DNAH12: variants seen among roughly 807,000 people sequenced by gnomAD.
DNAH12 encodes the protein axonemal beta dynein heavy chain 12.
In DNAH12, 285 loss-of-function variants were observed where a neutral mutation model predicts 371.5. The ratio of observed to expected loss-of-function variants is 0.77; its 90% confidence interval spans 0.70 to 0.85. The LOEUF is 0.85. DNAH12 is among the 40% of genes least tolerant of loss of function. DNAH12 has a pLI of 0.00. For synonymous variants in DNAH12, 1,200 were observed against 1,213.0 expected (o/e 0.99, Z 0.22); for missense variants, 3,611 against 3,689.4 (o/e 0.98, Z 0.55).
chr3:57,315,039 G>A (rs1345121158), intron 65 of DNAH12, among the ~76,000 whole-genome samples: 1 of 152,090 alleles, frequency 6.6e-6, no homozygotes, highest in Non-Finnish European at 1.5e-5. Flanking sequence ...ATCCCAATAT[G>A]TCATTCATGA....
chr3:57,513,424 A>G (rs370671121), intron 4 of DNAH12, among the ~76,000 whole-genome samples: 1 of 152,164 alleles, frequency 6.6e-6, no homozygotes, highest in African/African-American at 2.4e-5. Flanking sequence ...GCAGCAAACC[A>G]CCATGGCACA....
rs1281944509 is a variant in DNAH12, at chr3:57,375,056, G to A, written c.8759+315C>T. ...GTATGGTTTTGTGTATTTCATGTATGTAAATTTTACCTCAAAAGAATAAAA... is the reference window on the plus strand; with the variant it reads ...GTATGGTTTTGTGTATTTCATGTATATAAATTTTACCTCAAAAGAATAAAA... On this transcript the variant is annotated intron_variant, in intron 55 of 73. Coordinates refer to ENST00000495027, the MANE Select transcript of DNAH12 (RefSeq NM_001366028.2). Among the ~76,000 whole-genome samples, 3 of 152,210 alleles carry A rather than the reference G, an allele frequency of 2.0e-5. No homozygotes were observed. The Middle Eastern group carries it at 0.01, about 518-fold the overall frequency.
At chr3:57,422,886 G>T (rs1428112887) in intron 35 of DNAH12, among the ~76,000 whole-genome samples, 1 of 151,994 alleles carries the variant, frequency 6.6e-6, no homozygotes, top group African/African-American at 2.4e-5. Flanking sequence ...TAAAAAACAA[G>T]GTCACTCTAT....
chr3:57,551,803 A>C, the DNAH12 span, among the ~76,000 whole-genome samples: 1 of 152,082 alleles, frequency 6.6e-6, no homozygotes, highest in East Asian at 1.9e-4. Flanking sequence ...ACAAGACATC[A>C]AAAAAATGAA....
At chr3:57,484,029 TAATATTTAC>T (rs1387926088) in intron 12 of DNAH12, among the ~76,000 whole-genome samples, 1 of 150,212 alleles carries the variant, frequency 6.7e-6, no homozygotes, top group Non-Finnish European at 1.5e-5. Context: ...AAAATTAAGG[TAATATTTAC>T]ATGCAAAATT....
chr3:57,469,518 G>C (rs1322987826), intron 16 of DNAH12, among the ~76,000 whole-genome samples: 2 of 152,086 alleles, frequency 1.3e-5, no homozygotes, highest in Non-Finnish European at 2.9e-5. Context: ...CTGCCAAAAA[G>C]ACACATGTAC....
At chr3:57,387,880 A>C (rs1221045497) in intron 45 of DNAH12, among the ~76,000 whole-genome samples, 1 of 152,152 alleles carries the variant, frequency 6.6e-6, no homozygotes, top group Non-Finnish European at 1.5e-5. Flanking sequence ...AAGCAGAAAT[A>C]ACTTGGGATC....
chr3:57,553,970 G>A, the DNAH12 span, among the ~76,000 whole-genome samples: 1 of 151,424 alleles, frequency 6.6e-6, no homozygotes, highest in Non-Finnish European at 1.5e-5. Flanking sequence ...GATTACAGGC[G>A]AACACCACTG....
intron 29 of DNAH12, among the ~76,000 whole-genome samples, chr3:57,441,397 A>AG (rs1491110836): frequency 6.6e-6 from 1 of 152,216 alleles, no homozygotes; most frequent in African/African-American, 2.4e-5. Context: ...AGAGAAAAAA[A>AG]GAGGCATGAG....
chr3:57,437,166 CATT>C (rs1345580315), intron 29 of DNAH12, 106 bp from the exon 30 acceptor site: 95 of 720,676 alleles, frequency 1.3e-4, no homozygotes, highest in African/African-American at 1.3e-3. Flanking sequence ...AAACTATCAT[CATT>C]GTTTATTATT....
the DNAH12 span, among the ~76,000 whole-genome samples, chr3:57,551,245 T>C: frequency 2.0e-5 from 3 of 151,908 alleles, no homozygotes; most frequent in South Asian, 2.1e-4. Flanking sequence ...GTTTTTATCG[T>C]ACTCTGTATA....
chr3:57,345,648 G>T (rs995469821), intron 60 of DNAH12, among the ~76,000 whole-genome samples: 1 of 152,150 alleles, frequency 6.6e-6, no homozygotes, highest in Non-Finnish European at 1.5e-5. Context: ...AGTACAGTGT[G>T]TGCCACAGTT....
At position 57,454,825 on chromosome 3, in the gene DNAH12, G is replaced by C. The variant is rs984314629; in HGVS notation, c.3406C>G (p.Gln1136Glu). 2 of 1,551,290 alleles carry C rather than the reference G, an allele frequency of 1.3e-6. No individual in the cohort carries two copies. Among genetic ancestry groups the C allele is most frequent in the Admixed American group, 2.0e-5 (1 of 50,984 alleles). The change falls in exon 23 of 74, where the codon CAA (glutamine) becomes GAA (glutamate). Residue 1136 changes from glutamine (Q) to glutamate (E), a missense_variant. This residue lies in a region of DNAH12 where 1,314 missense variants were observed against 1,398.7 expected (regional missense o/e 0.94). Transcript: ENST00000495027. ...TGTGTCTCAGATGTCCAGAACATTT[G>C]AGAAATACAAAGTACAACTTGGCCA... ...WPGQVVLCIS[Q>E]MFWTSETQEV...
At chr3:57,495,873 AT>A (rs1171569055) in intron 11 of DNAH12, among the ~76,000 whole-genome samples, 3 of 142,836 alleles carry the variant, frequency 2.1e-5, no homozygotes, top group Non-Finnish European at 3.0e-5. Context: ...ATAAATATAT[AT>A]TTTTAAAATA....
At chr3:57,477,090 T>C (rs556089619) in intron 13 of DNAH12, among the ~76,000 whole-genome samples, 9 of 152,004 alleles carry the variant, frequency 5.9e-5, no homozygotes, top group Non-Finnish European at 1.3e-4. Flanking sequence ...GGTCAGTGGG[T>C]GCAGCGCACT....
At chr3:57,482,888 C>G (rs2066794456) in intron 13 of DNAH12, among the ~76,000 whole-genome samples, 1 of 125,542 alleles carries the variant, frequency 8.0e-6, no homozygotes, top group African/African-American at 3.2e-5. Context: ...CACATGGACA[C>G]AGGAAGGGGA....
intron 60 of DNAH12, among the ~76,000 whole-genome samples, chr3:57,338,551 C>A (rs1303044329): frequency 4.0e-5 from 6 of 150,864 alleles, no homozygotes; most frequent in Non-Finnish European, 7.4e-5. Context: ...TGCCCGGCCG[C>A]CACCTCATCT....
the DNAH12 span, among the ~76,000 whole-genome samples, chr3:57,553,681 G>A: frequency 1.7e-3 from 264 of 152,226 alleles, 1 homozygote; most frequent in African/African-American, 6.1e-3. Context: ...TGACCTCATA[G>A]TTTTAACTTA....
chr3:57,336,006 C>G (rs1422072872), intron 60 of DNAH12, among the ~76,000 whole-genome samples: 1 of 151,978 alleles, frequency 6.6e-6, no homozygotes, highest in African/African-American at 2.4e-5. Context: ...TAAGAGATGG[C>G]GAACTGCTCT....
Sources: gnomAD v4.1 joint callset for allele counts (sites outside exome capture counted in the v4.1 genomes callset) on GRCh38, gnomAD v4.1.1 for gene constraint, gnomAD v4.1.1 regional missense constraint, MANE v1.5 for transcripts, NCBI Gene and HGNC (gene_info 2026-07-23, HGNC 2026-07-21) for gene names.